Variants in ZNF136 observed in about 807,000 individuals in gnomAD.
ZNF136 encodes the protein zinc finger protein 136, also known as zinc finger protein 136 (clone pHZ-20).
In ZNF136, 8 loss-of-function variants were observed where a neutral mutation model predicts 11.4. The ratio of observed to expected loss-of-function variants is 0.70; its 90% CI spans 0.41 to 1.27. The LOEUF is 1.27. Among genes scored for constraint, ZNF136 ranks in the 50% most tolerant of loss-of-function variants. ZNF136 has a pLI of 0.01. For missense variants in ZNF136, 590 were observed against 656.5 expected (o/e 0.90, Z 1.11); for synonymous variants, 190 against 207.1 (o/e 0.92, Z 0.71).
rs1915178090 is a variant in ZNF136, at chr19:12,188,561, G to A, written c.*560G>A. The A allele has an allele frequency of 6.6e-6, 1 of 152,226 alleles. No individual in the cohort carries two copies. The highest frequency in any genetic ancestry group is 1.5e-5 in the Non-Finnish European group (1 of 68,068). 9.4% of individuals were successfully genotyped at this position (152,226 alleles called of 1,614,324 possible). A position where few individuals can be genotyped will look rare whatever the true frequency, so the allele number is the denominator to read the frequency against. ...ACTTTTAAAGTCATTTGAGGGCTCT[G>A]GCTCTGTGGCTTTGTGGGTTAAAGT... On this transcript the variant is annotated 3_prime_UTR_variant, in exon 4 of 4. Coordinates refer to ENST00000343979, the MANE Select transcript of ZNF136 (RefSeq NM_003437.5).
Position 12,187,993 on chromosome 19 carries a change from A to G in ZNF136, c.1615A>G (p.Ser539Gly), listed in dbSNP as rs1476206360. ...DGPPYKCMWE[S>G]L ...ACCACCTTATAAATGCATGTGGGAA[A>G]GCCTTTAATGCTCTGGGTTCATGTC... Residue 539 changes from serine (S) to glycine (G), a missense_variant, in exon 4 of 4, where the codon AGC becomes GGC. Coordinates refer to ENST00000343979, the MANE Select transcript of ZNF136 (RefSeq NM_003437.5). 3.3e-6 allele frequency: 5 copies of G among 1,524,602 alleles called. No homozygotes were observed. In the South Asian group the frequency reaches 6.8e-5, roughly 21 times the overall value. 94.4% of individuals were successfully genotyped at this position (1,524,602 alleles called of 1,614,324 possible).
chr19:12,163,100 G>C lies in ZNF136; in HGVS notation c.-104G>C. 1 of 1,296,210 alleles carries C rather than the reference G, an allele frequency of 7.7e-7. No homozygotes were observed. 80.3% of individuals were successfully genotyped at this position (1,296,210 alleles called of 1,614,324 possible). On this transcript the variant is annotated 5_prime_UTR_variant, in exon 1 of 4. Coordinates refer to ENST00000343979, the MANE Select transcript of ZNF136 (RefSeq NM_003437.5). ...TGCCGTACTTGGTTTCGCTTCGCTA[G>C]TCCCAGAGGCCCAGAGTGGCTCGCC...
chr19:12,165,738 T>A (rs1182954172), intron 1 of ZNF136, among the ~76,000 whole-genome samples: 1 of 152,176 alleles, frequency 6.6e-6, no homozygotes, highest in African/African-American at 2.4e-5. Context: ...TAGAAAAGTG[T>A]CTTAGAAAAC....
Position 12,163,122 on chromosome 19 carries a change from C to A in ZNF136, c.-82C>A. On this transcript the variant is annotated 5_prime_UTR_variant, in exon 1 of 4. Coordinates refer to ENST00000343979, the MANE Select transcript of ZNF136 (RefSeq NM_003437.5). ...CTAGTCCCAGAGGCCCAGAGTGGCT[C>A]GCCTGGAGTCTCTGTGGCGCGGTTT... 1.5e-6 allele frequency: 2 copies of A among 1,369,778 alleles called. No homozygotes were observed. The highest frequency in any genetic ancestry group is 2.0e-5 in the South Asian group (1 of 50,714). The allele number at this position is 1,369,778 out of a possible 1,614,324, so 84.9% of individuals were successfully genotyped here. A position where few individuals can be genotyped will look rare whatever the true frequency, so the allele number is the denominator to read the frequency against.
chr19:12,168,098 G>A lies in ZNF136; in HGVS notation c.3+4892G>A, dbSNP rs530586194. ...TTTTTTTTTTTTTTTGTGAGACGGA[G>A]CTTCGCTCTCATTGCCCAAGCTGGA... On this transcript the variant is annotated intron_variant, in intron 1 of 3. Transcript: ENST00000343979. Among the ~76,000 whole-genome samples, 51 of 105,894 alleles carry A rather than the reference G, an allele frequency of 4.8e-4. No individual in the cohort carries two copies. In the East Asian group the frequency reaches 8.9e-3, roughly 19 times the overall value. The allele number at this position is 105,894 out of a possible 152,430, so 69.5% of individuals were successfully genotyped here.
At chr19:12,163,817 G>A (rs923891638) in intron 1 of ZNF136, 1 of 152,208 alleles carries the variant, frequency 6.6e-6, no homozygotes, top group Non-Finnish European at 1.5e-5. Context: ...TTTCATCAAG[G>A]TTTGTTTTCT....
chr19:12,180,407 G>A (rs1286384693), intron 1 of ZNF136, among the ~76,000 whole-genome samples: 1 of 152,132 alleles, frequency 6.6e-6, no homozygotes, highest in Non-Finnish European at 1.5e-5. Flanking sequence ...GCTCTGATAT[G>A]GGAACACAAA....
Position 12,187,865 on chromosome 19 carries a change from G to GGAC in ZNF136, c.1488_1490dup (p.Thr497dup). 6.2e-7 allele frequency: 1 copy of GGAC among 1,603,242 alleles called. No individual in the cohort carries two copies. Among genetic ancestry groups the GGAC allele is most frequent in the African/African-American group, 1.3e-5 (1 of 74,368 alleles). On this transcript the variant is annotated inframe_insertion, in exon 4 of 4. Coordinates refer to ENST00000343979, the MANE Select transcript of ZNF136 (RefSeq NM_003437.5). ...TCTAGTTCCTTTCGACTACATGAAA[G>GGAC]GACTCACACTGGACAGAAACCCTAT...
intron 1 of ZNF136, among the ~76,000 whole-genome samples, chr19:12,167,117 T>C (rs1385035910): frequency 6.6e-6 from 1 of 152,226 alleles, no homozygotes; most frequent in Non-Finnish European, 1.5e-5. Flanking sequence ...GTTATTCTGT[T>C]CTTAGGAAGT....
At chr19:12,181,146 C>T (rs559612034) in intron 1 of ZNF136, among the ~76,000 whole-genome samples, 6 of 152,310 alleles carry the variant, frequency 3.9e-5, no homozygotes, top group Admixed American at 3.3e-4. Flanking sequence ...CTGTGCTGGC[C>T]GTGGTAGCCG....
rs1915150531 is a variant in ZNF136, at chr19:12,187,681, A to G, written c.1303A>G (p.Ile435Val). Reference sequence around the variant, plus strand: ...TAAAGCTTTCGTTTCTTCAACATCAATTCGAATACATGAAAGAACTCATAC... The same window carrying G: ...TAAAGCTTTCGTTTCTTCAACATCAGTTCGAATACATGAAAGAACTCATAC... Reference protein sequence around the residue: ...CGKAFVSSTSIRIHERTHTGE... With the variant: ...CGKAFVSSTSVRIHERTHTGE... The change falls in exon 4 of 4, where the codon ATT becomes GTT. Residue 435 changes from isoleucine to valine, a missense_variant. Physicochemically the swap from Ile to Val is conservative, Grantham distance 29. Transcript: ENST00000343979. 1.2e-6 allele frequency: 2 copies of G among 1,613,754 alleles called. No individual in the cohort carries two copies. The highest frequency in any genetic ancestry group is 1.1e-5 in the South Asian group (1 of 91,058).
At chr19:12,173,692 C>T (rs990066825) in intron 1 of ZNF136, among the ~76,000 whole-genome samples, 2 of 151,800 alleles carry the variant, frequency 1.3e-5, no homozygotes, top group African/African-American at 2.4e-5. Context: ...TTAATTGAGC[C>T]AAAAAAGGGT....
chr19:12,180,997 T>A (rs1244227843), intron 1 of ZNF136, among the ~76,000 whole-genome samples: 1 of 152,186 alleles, frequency 6.6e-6, no homozygotes, highest in African/African-American at 2.4e-5. Flanking sequence ...CTACTTATTG[T>A]CCAATCAGGC....
intron 1 of ZNF136, among the ~76,000 whole-genome samples, chr19:12,169,804 A>G (rs1568397772): frequency 7.4e-6 from 1 of 134,758 alleles, no homozygotes; most frequent in Admixed American, 7.6e-5. Flanking sequence ...TTTTATTTTT[A>G]TTTTTTTTGA....
chr19:12,168,457 C>T (rs888969512), intron 1 of ZNF136, among the ~76,000 whole-genome samples: 3 of 152,014 alleles, frequency 2.0e-5, no homozygotes, highest in African/African-American at 7.3e-5. Flanking sequence ...TGAAGACATT[C>T]GGAGAGCTTC....
At chr19:12,172,697 A>G (rs374342865) in intron 1 of ZNF136, among the ~76,000 whole-genome samples, 207 of 152,292 alleles carry the variant, frequency 1.4e-3, no homozygotes, top group African/African-American at 4.8e-3. Context: ...AACACAGGAA[A>G]TAACAGAAGG....
chr19:12,187,254 C>A lies in ZNF136; in HGVS notation c.876C>A (p.Ser292=). Residue 292 remains serine (S), a synonymous_variant, in exon 4 of 4, where the codon TCC becomes TCA. Coordinates refer to ENST00000343979, the MANE Select transcript of ZNF136 (RefSeq NM_003437.5). ...CKQCGKAFSC[S]PTLRIHERTH... ...AATGTGGTAAAGCCTTCAGTTGTTC[C>A]CCAACCTTACGAATACATGAAAGAA... 3 of 1,613,686 alleles carry A rather than the reference C, an allele frequency of 1.9e-6. No homozygotes were observed. The highest frequency in any genetic ancestry group is 2.5e-6 in the Non-Finnish European group (3 of 1,179,906).
intron 1 of ZNF136, among the ~76,000 whole-genome samples, chr19:12,169,830 T>C (rs764055676): frequency 1.3e-5 from 2 of 151,912 alleles, no homozygotes; most frequent in Non-Finnish European, 2.9e-5. Flanking sequence ...AGTCTCTCTC[T>C]GTCCCCCAGG....
chr19:12,176,858 T>C (rs189360933), intron 1 of ZNF136, among the ~76,000 whole-genome samples: 1 of 152,278 alleles, frequency 6.6e-6, no homozygotes, highest in East Asian at 1.9e-4. Context: ...TGTTTATGTC[T>C]CTGAGGTGTT....
Sources: allele counts gnomAD v4.1 joint callset (sites outside exome capture counted in the v4.1 genomes callset), GRCh38; gene constraint gnomAD v4.1.1; transcripts MANE v1.5; gene names NCBI Gene and HGNC (gene_info 2026-07-23, HGNC 2026-07-21).